NIPAL1: variants seen among roughly 807,000 people sequenced by gnomAD.
NIPAL1 encodes the protein NIPA like domain containing 1.
A neutral mutation model predicts 37.7 loss-of-function variants in NIPAL1; 35 were observed. That is an observed-to-expected ratio of 0.93 (90% confidence interval 0.71 to 1.23). NIPAL1 has a LOEUF of 1.23. Ranked by LOEUF, NIPAL1 falls within the 50% of genes most tolerant of loss-of-function variation. The probability of loss-of-function intolerance (pLI) is 0.00; values close to 1 mark genes in which losing one functional copy is unlikely to be tolerated. For missense variants in NIPAL1, 412 were observed against 473.9 expected, an observed-to-expected ratio of 0.87 and a Z score of 1.21; for synonymous variants, 162 against 183.0, an observed-to-expected ratio of 0.89 and a Z score of 0.93.
chr4:48,031,688 A>T (rs1182077821), intron 3 of NIPAL1, among the ~76,000 whole-genome samples: 2 of 152,214 alleles, frequency 1.3e-5, no homozygotes, highest in Non-Finnish European at 2.9e-5. Context: ...CTATAAAGAT[A>T]AAAATATAAA....
Position 48,025,167 on chromosome 4 carries a change from T to A in NIPAL1, c.146T>A (p.Leu49Gln), listed in dbSNP as rs1459458085. ...GCTTCTCCTGTGCTCTACACGGACCTGAATTACAGCATAAACAACTTGAGC... is the reference window on the plus strand; with the variant it reads ...GCTTCTCCTGTGCTCTACACGGACCAGAATTACAGCATAAACAACTTGAGC... ...LLASPVLYTDLNYSINNLSIS... is the reference protein window; with the variant it reads ...LLASPVLYTDQNYSINNLSIS... The change falls in exon 2 of 6, where the codon CTG (leucine) becomes CAG (glutamine). Residue 49 changes from leucine (L) to glutamine (Q), a missense_variant. Leu to Gln is a moderately radical substitution (Grantham distance 113). Coordinates refer to ENST00000295461, the MANE Select transcript of NIPAL1 (RefSeq NM_207330.3). 1.2e-6 allele frequency: 2 copies of A among 1,614,074 alleles called. No homozygotes were observed. The highest frequency in any genetic ancestry group is 2.7e-5 in the African/African-American group (2 of 74,944).
intron 2 of NIPAL1, among the ~76,000 whole-genome samples, chr4:48,028,886 G>C (rs116645887): frequency 0.11 from 16,991 of 152,202 alleles, 1,274 homozygotes; most frequent in South Asian, 0.27. Flanking sequence ...ACACTAGTCA[G>C]AATGGCTATT....
chr4:48,032,955 G>A, intron 3 of NIPAL1, 38 bp from the exon 4 acceptor site: 1 of 1,427,866 alleles, frequency 7.0e-7, no homozygotes. Context: ...TGACAAGTAA[G>A]CCCATTTTTT....
intron 1 of NIPAL1, 39 bp from the exon 2 acceptor site, chr4:48,025,029 C>A (rs781769203): frequency 1.3e-6 from 2 of 1,586,880 alleles, no homozygotes; most frequent in South Asian, 2.2e-5. Flanking sequence ...AATACCTCTC[C>A]CTTTCATTCC....
At chr4:48,030,546 T>C (rs1715798121) in intron 3 of NIPAL1, among the ~76,000 whole-genome samples, 1 of 152,212 alleles carries the variant, frequency 6.6e-6, no homozygotes, top group African/African-American at 2.4e-5. Context: ...GCTGCATATT[T>C]TCTCAAGAAA....
chr4:48,030,307 G>A (rs983860426), intron 3 of NIPAL1, 131 bp downstream of exon 3: 9 of 587,812 alleles, frequency 1.5e-5, no homozygotes, highest in Non-Finnish European at 2.8e-5. Flanking sequence ...ACATTTTTGT[G>A]TTAGTCAATA....
Position 48,027,975 on chromosome 4 carries a change from C to A in NIPAL1, c.314-2145C>A, listed in dbSNP as rs1022883662. On this transcript the variant is annotated intron_variant, in intron 2 of 5. Coordinates refer to ENST00000295461, the MANE Select transcript of NIPAL1 (RefSeq NM_207330.3). This position sits in a 1 kb window ranked among gnomAD's most constrained non-coding sequence, Gnocchi z 4.1. ...TTTCTGTTTTTAATTTTAACCATAGCTGAAATGAAGTATTTATGTCCACAC... is the reference window on the plus strand; with the variant it reads ...TTTCTGTTTTTAATTTTAACCATAGATGAAATGAAGTATTTATGTCCACAC... Among the ~76,000 whole-genome samples, 20 of 152,106 alleles carry A rather than the reference C, an allele frequency of 1.3e-4. No homozygotes were observed. Among genetic ancestry groups the A allele is most frequent in the African/African-American group, 4.3e-4 (18 of 41,398 alleles).
chr4:48,030,689 G>A (rs1016661848), intron 3 of NIPAL1, among the ~76,000 whole-genome samples: 15 of 152,178 alleles, frequency 9.9e-5, no homozygotes, highest in Non-Finnish European at 1.8e-4. Context: ...AGGATTAAAC[G>A]AGACTTTACA....
chr4:48,023,975 CTTTTTT>C (rs11329586), intron 1 of NIPAL1, among the ~76,000 whole-genome samples: 1 of 107,792 alleles, frequency 9.3e-6, no homozygotes, highest in Admixed American at 9.7e-5. Context: ...CAGATTTCTT[CTTTTTT>C]TTTTTTTTTT....
intron 2 of NIPAL1, among the ~76,000 whole-genome samples, chr4:48,026,971 G>A (rs541307937): frequency 1.3e-5 from 2 of 152,028 alleles, no homozygotes; most frequent in South Asian, 4.1e-4. Flanking sequence ...GCCCGCCTCG[G>A]CCTCCCAAAG....
chr4:48,033,564 G>A (rs750422008), intron 4 of NIPAL1, among the ~76,000 whole-genome samples: 15 of 152,118 alleles, frequency 9.9e-5, no homozygotes, highest in Non-Finnish European at 2.1e-4. Context: ...AGTTATCAGA[G>A]GACTTTTACA....
rs189861710 is a variant in NIPAL1 at position 48,032,414 on chromosome 4, A to G, written c.371-579A>G. 2.8e-4 allele frequency among the ~76,000 whole-genome samples: 43 copies of G among 152,370 alleles called. 1 individual carries two copies. The highest frequency in any genetic ancestry group is 2.6e-3 in the Admixed American group (40 of 15,310). ...CTCAGATAAGAAAAAGATTACATTCAGGAGCATATCATGACTTTAAAACAG... is the reference window on the plus strand; with the variant it reads ...CTCAGATAAGAAAAAGATTACATTCGGGAGCATATCATGACTTTAAAACAG... On this transcript the variant is annotated intron_variant, in intron 3 of 5. Transcript: ENST00000295461.
intron 1 of NIPAL1, among the ~76,000 whole-genome samples, chr4:48,017,421 C>T (rs895968894): frequency 4.6e-5 from 7 of 152,220 alleles, no homozygotes; most frequent in South Asian, 2.1e-4. Flanking sequence ...GGGCCGCCCA[C>T]GTCTCTCCTC....
chr4:48,016,819 C>T lies in NIPAL1; in HGVS notation c.-21C>T, dbSNP rs1178969914. On this transcript the variant is annotated 5_prime_UTR_variant, in exon 1 of 6. Coordinates refer to ENST00000295461, the MANE Select transcript of NIPAL1 (RefSeq NM_207330.3). Reference sequence around the variant, plus strand: ...AGGTGAGGAGCAAGCGCCCGCGTTCCGGAAGCCCGCTCCCGGGGCCATGGG... The same window carrying T: ...AGGTGAGGAGCAAGCGCCCGCGTTCTGGAAGCCCGCTCCCGGGGCCATGGG... 2.6e-6 allele frequency: 4 copies of T among 1,563,538 alleles called. No homozygotes were observed. Among genetic ancestry groups the T allele is most frequent in the Admixed American group, 1.8e-5 (1 of 54,258 alleles).
At chr4:48,024,719 T>A (rs2109366986) in intron 1 of NIPAL1, among the ~76,000 whole-genome samples, 1 of 152,316 alleles carries the variant, frequency 6.6e-6, no homozygotes, top group East Asian at 1.9e-4. Context: ...GTTGAACTGT[T>A]GAGCACAAGC....
chr4:48,019,723 T>C (rs1715529883), intron 1 of NIPAL1, among the ~76,000 whole-genome samples: 1 of 152,202 alleles, frequency 6.6e-6, no homozygotes, highest in Admixed American at 6.5e-5. Context: ...GTGGGAATTT[T>C]GGATTTTTTT....
chr4:48,031,774 T>G (rs1715824193), intron 3 of NIPAL1, among the ~76,000 whole-genome samples: 1 of 152,178 alleles, frequency 6.6e-6, no homozygotes, highest in East Asian at 1.9e-4. Context: ...GTCTCGCTCT[T>G]GTCGTCCAGG....
At position 48,025,174 on chromosome 4, in the gene NIPAL1, C is replaced by T. The variant is rs544560089; in HGVS notation, c.153C>T (p.Tyr51=). The part of the protein sequence containing the change: ...ASPVLYTDLN[Y]SINNLSISAN... ...CTGTGCTCTACACGGACCTGAATTA[C>T]AGCATAAACAACTTGAGCATTTCAG... The change falls in exon 2 of 6, where the codon TAC becomes TAT. Residue 51 remains tyrosine, a synonymous_variant. Transcript: ENST00000295461. The T allele has an allele frequency of 1.2e-5, 20 of 1,614,184 alleles. No individual in the cohort carries two copies. The South Asian group carries it at 2.0e-4, about 16-fold the overall frequency.
intron 1 of NIPAL1, among the ~76,000 whole-genome samples, chr4:48,021,781 G>T (rs549449143): frequency 1.3e-5 from 2 of 152,008 alleles, no homozygotes; most frequent in Admixed American, 1.3e-4. Flanking sequence ...GATATATGGA[G>T]AAAATCTTTT....
Sources: gnomAD v4.1 joint callset for allele counts (sites outside exome capture counted in the v4.1 genomes callset) on GRCh38, gnomAD v4.1.1 for gene constraint, Gnocchi (gnomAD v3.1) non-coding constraint, MANE v1.5 for transcripts, NCBI Gene and HGNC (gene_info 2026-07-23, HGNC 2026-07-21) for gene names.